Variants in VPS11 observed in about 807,000 individuals in gnomAD.
VPS11 encodes the protein VPS11 core subunit of CORVET and HOPS complexes, also known as vacuolar protein sorting-associated protein 11 homolog.
A neutral mutation model predicts 106.8 loss-of-function variants in VPS11; 51 were observed. The ratio of observed to expected loss-of-function variants is 0.48; its 90% CI spans 0.38 to 0.60. The LOEUF (loss-of-function observed/expected upper bound fraction) is 0.60, where lower values mean the gene tolerates loss of function less well. VPS11 is among the 20% of genes least tolerant of loss of function. VPS11 has a pLI of 0.00. For synonymous variants in VPS11, 453 were observed against 458.7 expected, an observed-to-expected ratio of 0.99 and a Z score of 0.16; for missense variants, 950 against 1,190.0, an observed-to-expected ratio of 0.80 and a Z score of 2.97.
Position 119,067,879 on chromosome 11 carries a change from A to G in VPS11, c.56A>G (p.Lys19Arg). ...RFVFFDKELV[K>R]EPLSNDGAAP... The stretch of plus-strand genomic sequence containing the variant: ...GTTTTCTTCGACAAGGAGCTGGTGA[A>G]GGAGCCGCTGAGCAATGATGGGGCC... The change falls in exon 1 of 16, where the codon AAG becomes AGG. Residue 19 changes from lysine (K) to arginine (R), a missense_variant. Coordinates refer to ENST00000621676, the MANE Select transcript of VPS11 (RefSeq NM_021729.6). 6.3e-7 allele frequency: 1 copy of G among 1,580,710 alleles called. No homozygotes were observed. The highest frequency in any genetic ancestry group is 1.7e-4 in the Middle Eastern group (1 of 5,968).
In VPS11 at chr11:119,081,687, G is replaced by T; in HGVS notation, c.*64G>T. The T allele has an allele frequency of 6.3e-7, 1 of 1,575,412 alleles. No individual in the cohort carries two copies. On this transcript the variant is annotated 3_prime_UTR_variant, in exon 16 of 16. Coordinates refer to ENST00000621676, the MANE Select transcript of VPS11 (RefSeq NM_021729.6). ...AGAGAACAGACACAATGGGACCTGGGCGGGCGTTACACAGAAGGCTGGCTG... is the reference window on the plus strand; with the variant it reads ...AGAGAACAGACACAATGGGACCTGGTCGGGCGTTACACAGAAGGCTGGCTG...
rs782385973 is a variant in VPS11, at chr11:119,077,603, G to A, written c.1528G>A (p.Ala510Thr). 1.5e-5 allele frequency: 24 copies of A among 1,612,736 alleles called. No individual in the cohort carries two copies. In the East Asian group the frequency reaches 5.1e-4, roughly 34 times the overall value. Residue 510 changes from alanine (A) to threonine (T), a missense_variant, in exon 9 of 16, where the codon GCA becomes ACA. Ala to Thr is a moderately conservative substitution (Grantham distance 58). This residue lies in a region of VPS11 where 435 missense variants were observed against 630.2 expected (regional missense o/e 0.69). Transcript: ENST00000621676. ...SHALYLAENH[A>T]HHEWYLKIQL... ...TGCCCTGTATCTGGCGGAGAACCAT[G>A]CACATCATGAGTGGTACCTGAAGAT... is the stretch of plus-strand genomic sequence containing the variant.
intron 6 of VPS11, 178 bp downstream of exon 6, chr11:119,073,577 T>C: frequency 1.1e-6 from 1 of 918,026 alleles, no homozygotes; most frequent in Non-Finnish European, 1.6e-6. Flanking sequence ...AGGGAAGTAG[T>C]GGCTGGGAGC....
chr11:119,081,784 T>C lies in VPS11; in HGVS notation c.*161T>C. The C allele has an allele frequency of 1.0e-6, 1 of 967,518 alleles. No homozygotes were observed. The highest frequency in any genetic ancestry group is 1.5e-6 in the Non-Finnish European group (1 of 670,638). 59.9% of individuals were successfully genotyped at this position (967,518 alleles called of 1,614,324 possible). A position where few individuals can be genotyped will look rare whatever the true frequency, so the allele number is the denominator to read the frequency against. ...TAAAGCGGACTTTCTTTCCCTGCCT[T>C]CTTATTTAGTCAGCTTGCCATCCCT... On this transcript the variant is annotated 3_prime_UTR_variant, in exon 16 of 16. Transcript: ENST00000621676.
chr11:119,069,624 C>T (rs782122333), intron 3 of VPS11, 47 bp downstream of exon 3: 2 of 1,612,722 alleles, frequency 1.2e-6, no homozygotes, highest in Non-Finnish European at 1.7e-6. Context: ...TATAGATTTT[C>T]TTCAGAGTTG....
At chr11:119,080,305 G>C (rs1241669285) in intron 14 of VPS11, among the ~76,000 whole-genome samples, 2 of 152,128 alleles carry the variant, frequency 1.3e-5, no homozygotes, top group Non-Finnish European at 2.9e-5. Flanking sequence ...GGATCTGCCT[G>C]CCTTGGCCTC....
chr11:119,070,202 C>T (rs1945322886), intron 3 of VPS11, 32 bp from the exon 4 acceptor site: 3 of 1,582,796 alleles, frequency 1.9e-6, no homozygotes, highest in Admixed American at 3.6e-5. Context: ...TCTTTTCAGC[C>T]TTACTGAAGT....
At chr11:119,077,447 T>TC (rs2134787318) in intron 8 of VPS11, 54 bp from the exon 9 acceptor site, 5 of 1,578,948 alleles carry the variant, frequency 3.2e-6, no homozygotes, top group Middle Eastern at 3.4e-4. Flanking sequence ...CTGTTTCCTC[T>TC]CCCTTCTCTA....
chr11:119,077,062 G>A lies in VPS11; in HGVS notation c.1404G>A (p.Ser468=), dbSNP rs782462249. 8 of 1,612,488 alleles carry A rather than the reference G, an allele frequency of 5.0e-6. No individual in the cohort carries two copies. Among genetic ancestry groups the A allele is most frequent in the South Asian group, 3.3e-5 (3 of 90,752 alleles). Reference sequence around the variant, plus strand: ...GCTATACCAAGCTCAAGGACAGCTCGAAGCTGGAGGAGTTCATCAAGGTGC... The same window carrying A: ...GCTATACCAAGCTCAAGGACAGCTCAAAGCTGGAGGAGTTCATCAAGGTGC... ...LNCYTKLKDS[S]KLEEFIKKKS... The change falls in exon 8 of 16, where the codon TCG becomes TCA. Residue 468 remains serine (S), a synonymous_variant. Coordinates refer to ENST00000621676, the MANE Select transcript of VPS11 (RefSeq NM_021729.6).
At chr11:119,072,925 A>T in intron 5 of VPS11, 2 of 455,944 alleles carry the variant, frequency 4.4e-6, no homozygotes, top group South Asian at 4.6e-5. Context: ...TATACCATGT[A>T]TTGGATTATT....
chr11:119,069,310 CTGT>C lies in VPS11; in HGVS notation c.305_307del (p.Val102del), dbSNP rs1358586424. ...CTGAAGCAGCACAATATTCTGGCAT[CTGT>C]TGGAGAAGATGAAGAGGGCATCAAC... On this transcript the variant is annotated inframe_deletion, in exon 2 of 16. Transcript: ENST00000621676. The C allele has an allele frequency of 6.2e-7, 1 of 1,613,970 alleles. No homozygotes were observed. Among genetic ancestry groups the C allele is most frequent in the Admixed American group, 1.7e-5 (1 of 60,002 alleles).
chr11:119,075,323 C>T (rs1276633013), intron 7 of VPS11, among the ~76,000 whole-genome samples: 5 of 151,970 alleles, frequency 3.3e-5, no homozygotes, highest in African/African-American at 1.2e-4. Flanking sequence ...GATCCTATCC[C>T]TTTGGGAGAC....
At position 119,079,307 on chromosome 11, in the gene VPS11, G is replaced by C. The variant is rs782179871; in HGVS notation, c.2438+7G>C. 1 of 1,581,150 alleles carries C rather than the reference G, an allele frequency of 6.3e-7. No individual in the cohort carries two copies. The highest frequency in any genetic ancestry group is 8.6e-7 in the Non-Finnish European group (1 of 1,164,402). ...TCCAAGAGCTCAAGGCCAGGTACCC[G>C]GGGCATGGATATGTGGAGGAGTCCA... On this transcript the variant is annotated splice_region_variant and intron_variant, in intron 14 of 15. Coordinates refer to ENST00000621676, the MANE Select transcript of VPS11 (RefSeq NM_021729.6).
At chr11:119,080,413 C>T (rs1175980011) in intron 14 of VPS11, among the ~76,000 whole-genome samples, 4 of 148,126 alleles carry the variant, frequency 2.7e-5, no homozygotes, top group South Asian at 2.2e-4. Flanking sequence ...TTGTCCCCCA[C>T]GCTGGAGTGT....
At chr11:119,080,411 C>A (rs991189148) in intron 14 of VPS11, among the ~76,000 whole-genome samples, 3 of 151,282 alleles carry the variant, frequency 2.0e-5, no homozygotes, top group Non-Finnish European at 4.4e-5. Context: ...TCTTGTCCCC[C>A]ACGCTGGAGT....
chr11:119,070,340 C>G lies in VPS11; in HGVS notation c.579C>G (p.Ala193=). The change falls in exon 4 of 16, where the codon GCC becomes GCG. Residue 193 remains alanine, a synonymous_variant. Coordinates refer to ENST00000621676, the MANE Select transcript of VPS11 (RefSeq NM_021729.6). Reference sequence around the variant, plus strand: ...GCAACTATCCTGTAACTGGATTGGCCTTTCGCCAAGCAGGAAAGACCACTC... The same window carrying G: ...GCAACTATCCTGTAACTGGATTGGCGTTTCGCCAAGCAGGAAAGACCACTC... ...HKGNYPVTGL[A]FRQAGKTTHL... is the part of the protein sequence containing the mutation. 6.2e-7 allele frequency: 1 copy of G among 1,613,276 alleles called. No individual in the cohort carries two copies. Among genetic ancestry groups the G allele is most frequent in the African/African-American group, 1.3e-5 (1 of 75,028 alleles).
intron 10 of VPS11, 38 bp from the exon 11 acceptor site, chr11:119,078,135 A>C: frequency 6.2e-7 from 1 of 1,610,330 alleles, no homozygotes; most frequent in Non-Finnish European, 8.5e-7. Flanking sequence ...TATCACGCCC[A>C]CTCATTCAGC....
In VPS11 at chr11:119,073,388, A is replaced by C; in HGVS notation, c.1075A>C (p.Thr359Pro). The change falls in exon 6 of 16, where the codon ACC (threonine) becomes CCC (proline). Residue 359 changes from threonine to proline, a missense_variant. By Grantham distance (38) the Thr-to-Pro change is conservative. Transcript: ENST00000621676. ...VHALQEKDTQ[T>P]KLEMLFKKNL... is the part of the protein sequence containing the mutation. The stretch of plus-strand genomic sequence containing the variant: ...CGCACTGCAGGAGAAGGACACACAG[A>C]CCAAACTGGAGGCAAGGCCACCAGG... 6.2e-7 allele frequency: 1 copy of C among 1,612,826 alleles called. No homozygotes were observed. The highest frequency in any genetic ancestry group is 1.9e-4 in the Middle Eastern group (1 of 5,194).
Position 119,076,931 on chromosome 11 carries a change from C to A in VPS11, c.1273C>A (p.Arg425Ser). The A allele has an allele frequency of 6.2e-7, 1 of 1,613,940 alleles. No individual in the cohort carries two copies. Among genetic ancestry groups the A allele is most frequent in the Non-Finnish European group, 8.5e-7 (1 of 1,179,880 alleles). ...AAAGTTGGAGCCATCCTACGTGATC[C>A]GCAAGTTTCTGGATGCCCAGCGCAT... The part of the protein sequence containing the change: ...IGKLEPSYVI[R>S]KFLDAQRIHN... Residue 425 changes from arginine (R) to serine (S), a missense_variant, in exon 8 of 16, where the codon CGC (arginine) becomes AGC (serine). Physicochemically the swap from Arg to Ser is moderately radical, Grantham distance 110. Around this residue, in one of 3 missense-constraint regions of VPS11, gnomAD observed 435 missense variants for 630.2 expected, o/e 0.69. Transcript: ENST00000621676.
Sources: gnomAD v4.1 joint callset for allele counts (sites outside exome capture counted in the v4.1 genomes callset) on GRCh38, gnomAD v4.1.1 for gene constraint, gnomAD v4.1.1 regional missense constraint, MANE v1.5 for transcripts, NCBI Gene and HGNC (gene_info 2026-07-23, HGNC 2026-07-21) for gene names.